Variants in KLB observed in about 807,000 individuals in gnomAD.
KLB encodes the protein beta-klotho.
A neutral mutation model predicts 88.4 loss-of-function variants in KLB; 44 were observed. The ratio of observed to expected loss-of-function variants is 0.50; its 90% confidence interval spans 0.39 to 0.64. KLB has a LOEUF of 0.64. KLB is among the 30% of genes least tolerant of loss of function. The probability of loss-of-function intolerance (pLI) is 0.00; values close to 1 mark genes in which losing one functional copy is unlikely to be tolerated. For synonymous variants in KLB, 548 were observed against 513.4 expected (o/e 1.07, Z -0.91); for missense variants, 1,137 against 1,304.8 (o/e 0.87, Z 1.98).
At chr4:39,440,171 A>G (rs1475654499) in intron 3 of KLB, among the ~76,000 whole-genome samples, 1 of 149,178 alleles carries the variant, frequency 6.7e-6, no homozygotes, top group Non-Finnish European at 1.5e-5. Context: ...TTTGAGACAG[A>G]GTCTTACTGT....
intron 3 of KLB, among the ~76,000 whole-genome samples, chr4:39,442,833 T>C (rs1743643478): frequency 6.6e-6 from 1 of 152,202 alleles, no homozygotes; most frequent in South Asian, 2.1e-4. Flanking sequence ...GACATTCTTA[T>C]TATGATTCCC....
intron 3 of KLB, among the ~76,000 whole-genome samples, chr4:39,443,851 T>C (rs905124652): frequency 6.6e-6 from 1 of 151,642 alleles, no homozygotes; most frequent in Non-Finnish European, 1.5e-5. Context: ...TTTCACTCCA[T>C]GGTTTTAACA....
At chr4:39,425,988 C>G (rs113535373) in intron 1 of KLB, among the ~76,000 whole-genome samples, 17,499 of 151,624 alleles carry the variant, frequency 0.12, 1,106 homozygotes, top group Middle Eastern at 0.14. Flanking sequence ...GCGCTTGGCT[C>G]ACACCTGTAA....
intron 1 of KLB, among the ~76,000 whole-genome samples, chr4:39,431,118 C>T (rs1360159954): frequency 7.8e-6 from 1 of 128,692 alleles, no homozygotes; most frequent in East Asian, 2.3e-4. Context: ...TTTGTAGATA[C>T]GGGGTTTCGT....
In KLB at chr4:39,450,875, A is replaced by AG. The variant is rs1368306527; in HGVS notation, c.*2191dup. The AG allele has an allele frequency of 6.6e-6, 1 of 151,420 alleles. No individual in the cohort carries two copies. The highest frequency in any genetic ancestry group is 6.6e-5 in the Admixed American group (1 of 15,198). 9.4% of individuals were successfully genotyped at this position (151,420 alleles called of 1,614,324 possible). A position where few individuals can be genotyped will look rare whatever the true frequency, so the allele number is the denominator to read the frequency against. On this transcript the variant is annotated 3_prime_UTR_variant, in exon 5 of 5. Coordinates refer to ENST00000257408, the MANE Select transcript of KLB (RefSeq NM_175737.4). The stretch of plus-strand genomic sequence containing the variant: ...CAAGGGCTTGGGAAAAAAAAAAAAA[A>AG]GGTTAGCCACAGGAATAACAAAAAC...
At position 39,450,027 on chromosome 4, in the gene KLB, T is replaced by C. The variant is rs892125376; in HGVS notation, c.*1341T>C. 8 of 152,200 alleles carry C rather than the reference T, an allele frequency of 5.3e-5. No individual in the cohort carries two copies. Among genetic ancestry groups the C allele is most frequent in the Admixed American group, 3.9e-4 (6 of 15,272 alleles). The allele number at this position is 152,200 out of a possible 1,614,324, so 9.4% of individuals were successfully genotyped here. On this transcript the variant is annotated 3_prime_UTR_variant, in exon 5 of 5. Transcript: ENST00000257408. Reference sequence around the variant, plus strand: ...GGAAAGCTAGACTCAACTCTGTGAATAGAAGTTGCTATACTGTAAGTAAAG... The same window carrying C: ...GGAAAGCTAGACTCAACTCTGTGAACAGAAGTTGCTATACTGTAAGTAAAG...
chr4:39,422,038 G>A lies in KLB; in HGVS notation c.826-12172G>A, dbSNP rs113618581. On this transcript the variant is annotated intron_variant, in intron 1 of 4. Transcript: ENST00000257408. ...TGGAATTACAGGCATGAGCCACCAC[G>A]CCCGGCCGCCTCTGAGTGTTTCTTA... Among the ~76,000 whole-genome samples, 579 of 152,184 alleles carry A rather than the reference G, an allele frequency of 3.8e-3. 7 individuals carry two copies. The highest frequency in any genetic ancestry group is 0.014 in the Middle Eastern group (4 of 294).
chr4:39,433,658 C>G (rs1743409257), intron 1 of KLB, among the ~76,000 whole-genome samples: 1 of 151,988 alleles, frequency 6.6e-6, no homozygotes, highest in African/African-American at 2.4e-5. Context: ...TCAGGAGTTC[C>G]AGACCAGCCT....
At chr4:39,428,278 A>G (rs1270862582) in intron 1 of KLB, among the ~76,000 whole-genome samples, 2 of 152,154 alleles carry the variant, frequency 1.3e-5, no homozygotes, top group African/African-American at 4.8e-5. Context: ...AATACAAAAA[A>G]TTAGCTGGGT....
rs1743893557 is a variant in KLB, at chr4:39,451,331, T to A, written c.*2645T>A. 6.6e-6 allele frequency: 1 copy of A among 152,204 alleles called. No homozygotes were observed. The highest frequency in any genetic ancestry group is 1.9e-4 in the East Asian group (1 of 5,202). The allele number at this position is 152,204 out of a possible 1,614,324, so 9.4% of individuals were successfully genotyped here. A position where few individuals can be genotyped will look rare whatever the true frequency, so the allele number is the denominator to read the frequency against. On this transcript the variant is annotated 3_prime_UTR_variant, in exon 5 of 5. Transcript: ENST00000257408. ...TCTTGAAAGGAGCAAACAGGTAAGA[T>A]CTTTGGAGTTTAAGCTTTTCTGAGA...
At chr4:39,423,158 T>C (rs1446568846) in intron 1 of KLB, among the ~76,000 whole-genome samples, 1 of 151,902 alleles carries the variant, frequency 6.6e-6, no homozygotes, top group Non-Finnish European at 1.5e-5. Context: ...CACTTAGCTT[T>C]TGACATCAGT....
In KLB at chr4:39,439,640, C is replaced by T. The variant is rs188103311; in HGVS notation, c.1605+1645C>T. On this transcript the variant is annotated intron_variant, in intron 3 of 4. Transcript: ENST00000257408. ...CCAAGTAGCTGGGATTACAGGCACC[C>T]GCCACCATGCCTGGCAAATTTTTCT... Among the ~76,000 whole-genome samples, 211 of 150,152 alleles carry T rather than the reference C, an allele frequency of 1.4e-3. 1 individual carries two copies. The highest frequency in any genetic ancestry group is 4.9e-3 in the African/African-American group (200 of 40,736).
chr4:39,439,391 A>G (rs945722251), intron 3 of KLB, among the ~76,000 whole-genome samples: 6 of 152,124 alleles, frequency 3.9e-5, no homozygotes, highest in Non-Finnish European at 7.3e-5. Context: ...CTGTCTTCCA[A>G]CCACTATGCT....
At chr4:39,442,435 C>CT (rs772744557) in intron 3 of KLB, among the ~76,000 whole-genome samples, 7,997 of 138,458 alleles carry the variant, frequency 0.058, 606 homozygotes, top group African/African-American at 0.17. Flanking sequence ...CCTCTCTCCC[C>CT]TTTTTTTTTT....
In KLB at chr4:39,407,760, C is replaced by T. The variant is rs1353122078; in HGVS notation, c.811C>T (p.His271Tyr). ...TTTAGCAGCTGTCTACACTGTGGGA[C>T]ACAACTTGATCAAGGTACTGTACAG... ...GNLAAVYTVG[H>Y]NLIKAHSKVW... is the part of the protein sequence containing the mutation. Residue 271 changes from histidine to tyrosine, a missense_variant, in exon 1 of 5, where the codon CAC (histidine) becomes TAC (tyrosine). Physicochemically the swap from His to Tyr is moderately conservative, Grantham distance 83. Around this residue, in one of 4 missense-constraint regions of KLB, gnomAD observed 597 missense variants for 765.2 expected, o/e 0.78. Coordinates refer to ENST00000257408, the MANE Select transcript of KLB (RefSeq NM_175737.4). 6 of 1,590,278 alleles carry T rather than the reference C, an allele frequency of 3.8e-6. No homozygotes were observed. The highest frequency in any genetic ancestry group is 5.2e-6 in the Non-Finnish European group (6 of 1,162,334).
chr4:39,412,439 C>T (rs989280555), intron 1 of KLB, among the ~76,000 whole-genome samples: 5 of 152,176 alleles, frequency 3.3e-5, no homozygotes, highest in Non-Finnish European at 7.3e-5. Flanking sequence ...TCACCAAGAC[C>T]TTTGAGATAC....
chr4:39,426,139 C>T (rs1743207346), intron 1 of KLB, among the ~76,000 whole-genome samples: 1 of 151,912 alleles, frequency 6.6e-6, no homozygotes, highest in Non-Finnish European at 1.5e-5. Context: ...GTAGTCCCAG[C>T]TACTCAGGAG....
At chr4:39,425,655 G>A (rs1212095019) in intron 1 of KLB, among the ~76,000 whole-genome samples, 1 of 152,028 alleles carries the variant, frequency 6.6e-6, no homozygotes. Context: ...TGCCCAGGCT[G>A]GTCTTAAAAC....
At chr4:39,440,111 T>A (rs1743568154) in intron 3 of KLB, among the ~76,000 whole-genome samples, 1 of 151,208 alleles carries the variant, frequency 6.6e-6, no homozygotes, top group African/African-American at 2.4e-5. Context: ...CTTTTTGTTT[T>A]GTTTTCTTTT....
Sources: gnomAD v4.1 joint callset for allele counts (sites outside exome capture counted in the v4.1 genomes callset) on GRCh38, gnomAD v4.1.1 for gene constraint, gnomAD v4.1.1 regional missense constraint, MANE v1.5 for transcripts, NCBI Gene and HGNC (gene_info 2026-07-23, HGNC 2026-07-21) for gene names.